Variants in SDAD1 observed in about 807,000 individuals in gnomAD.
The protein encoded by SDAD1 is protein SDA1 homolog.
SDAD1 carries 79 observed loss-of-function variants against 100.3 expected under a neutral mutation model. The observed-to-expected ratio is 0.79, with a 90% CI of 0.66 to 0.95. SDAD1 has a LOEUF of 0.95. SDAD1 is among the 40% of genes least tolerant of loss of function. The probability of loss-of-function intolerance (pLI) is 0.00; values close to 1 mark genes in which losing one functional copy is unlikely to be tolerated. For missense variants in SDAD1, 790 were observed against 810.9 expected (o/e 0.97, Z 0.31); for synonymous variants, 267 against 271.4 (o/e 0.98, Z 0.16).
chr4:75,958,408 G>C (rs112526550), intron 17 of SDAD1, among the ~76,000 whole-genome samples: 7 of 152,160 alleles, frequency 4.6e-5, no homozygotes, highest in African/African-American at 1.7e-4. Context: ...TGAGAATCTA[G>C]TTAGTCATTC....
At chr4:75,990,610 CT>C in intron 1 of SDAD1, 141 bp downstream of exon 1, 1 of 1,577,370 alleles carries the variant, frequency 6.3e-7, no homozygotes. Flanking sequence ...TCCCCAACCC[CT>C]TCTCTCCTCT....
At position 75,957,396 on chromosome 4, in the gene SDAD1, A is replaced by G. The variant is rs1466653927; in HGVS notation, c.1783T>C (p.Ser595Pro). ...TGAAGGCGTTCAATGTCCCGAAGAG[A>G]AAGTAATTCACCCCTGGGGTGAGGG... Reference protein sequence around the residue: ...SDEEPRGELLSLRDIERLHKK... With the variant: ...SDEEPRGELLPLRDIERLHKK... The change falls in exon 20 of 22, where the codon TCT becomes CCT. Residue 595 changes from serine to proline, a missense_variant. Transcript: ENST00000356260. 2 of 1,613,984 alleles carry G rather than the reference A, an allele frequency of 1.2e-6. No homozygotes were observed. Among genetic ancestry groups the G allele is most frequent in the Admixed American group, 3.3e-5 (2 of 59,982 alleles).
At chr4:75,987,611 C>G (rs1730981006) in intron 1 of SDAD1, among the ~76,000 whole-genome samples, 4 of 152,138 alleles carry the variant, frequency 2.6e-5, no homozygotes. Context: ...AAGCAATTCT[C>G]CTGCCTCAGC....
intron 14 of SDAD1, among the ~76,000 whole-genome samples, chr4:75,961,689 G>A (rs1729239020): frequency 6.6e-6 from 1 of 152,154 alleles, no homozygotes; most frequent in Non-Finnish European, 1.5e-5. Context: ...TTACTTATCA[G>A]GACAGATTAG....
rs753084246 is a variant in SDAD1, at chr4:75,990,675, C to T, written c.90+77G>A. The stretch of plus-strand genomic sequence containing the variant: ...TAGGCGGCGAGCCTGGATCCCAGCC[C>T]CACTCCATGCTTTCCCGCACCGGCG... On this transcript the variant is annotated intron_variant, in intron 1 of 21. Transcript: ENST00000356260. The T allele has an allele frequency of 3.1e-6, 5 of 1,607,332 alleles. No homozygotes were observed. The East Asian group carries it at 8.9e-5, about 29-fold the overall frequency.
At chr4:75,968,451 G>A (rs1243639682) in intron 11 of SDAD1, among the ~76,000 whole-genome samples, 1 of 151,918 alleles carries the variant, frequency 6.6e-6, no homozygotes, top group Non-Finnish European at 1.5e-5. Flanking sequence ...AAATGATAAG[G>A]AAAAACCTTA....
chr4:75,968,954 C>T (rs568284402), intron 11 of SDAD1, among the ~76,000 whole-genome samples: 1 of 150,076 alleles, frequency 6.7e-6, no homozygotes, highest in African/African-American at 2.5e-5. Flanking sequence ...TCACTTGAAC[C>T]CAGGAGGTGG....
chr4:75,955,995 G>A lies in SDAD1; in HGVS notation c.1996C>T (p.Arg666Cys), dbSNP rs753203729. The change falls in exon 21 of 22, where the codon CGT (arginine) becomes TGT (cysteine). Residue 666 changes from arginine (R) to cysteine (C), a missense_variant. Coordinates refer to ENST00000356260, the MANE Select transcript of SDAD1 (RefSeq NM_018115.4). ...CTCACCTGTTTTTCTCGGAAGGAAC[G>A]CTTATTTTTTGACCGGACATTCTGG... ...YSQNVRSKNK[R>C]SFREKQLALR... The A allele has an allele frequency of 2.8e-5, 44 of 1,599,782 alleles. No homozygotes were observed. Among genetic ancestry groups the A allele is most frequent in the Admixed American group, 5.3e-5 (3 of 56,496 alleles).
At chr4:75,981,506 C>T in intron 2 of SDAD1, 36 bp from the exon 3 acceptor site, 2 of 1,612,172 alleles carry the variant, frequency 1.2e-6, no homozygotes, top group Non-Finnish European at 1.7e-6. Context: ...AAGTTGCTCT[C>T]TTTCTCTCCT....
chr4:75,990,709 A>G, intron 1 of SDAD1, 43 bp downstream of exon 1: 1 of 1,612,272 alleles, frequency 6.2e-7, no homozygotes, highest in Non-Finnish European at 8.5e-7. Flanking sequence ...CGTCTCAACC[A>G]TCCACTATCC....
intron 1 of SDAD1, among the ~76,000 whole-genome samples, chr4:75,989,739 T>C (rs755855238): frequency 6.6e-6 from 1 of 152,230 alleles, no homozygotes; most frequent in Non-Finnish European, 1.5e-5. Flanking sequence ...GTTACTTAAC[T>C]TCTTGTACTT....
In SDAD1 at chr4:75,977,706, T is replaced by C. The variant is rs1320678218; in HGVS notation, c.345A>G (p.Pro115=). The C allele has an allele frequency of 1.2e-6, 2 of 1,613,372 alleles. No individual in the cohort carries two copies. Among genetic ancestry groups the C allele is most frequent in the Non-Finnish European group, 1.7e-6 (2 of 1,179,824 alleles). ...CAAAGAAGAGTTCTAGCAGGCTTGA[T>C]GGATTGATGAGATTCTTATTTCTCA... ...ILLRNKNLIN[P]SSLLELFFEL... The change falls in exon 4 of 22, where the codon CCA becomes CCG. Residue 115 remains proline (P), a synonymous_variant. Transcript: ENST00000356260.
intron 2 of SDAD1, among the ~76,000 whole-genome samples, chr4:75,981,701 T>C (rs1247671354): frequency 6.6e-6 from 1 of 152,116 alleles, no homozygotes; most frequent in Non-Finnish European, 1.5e-5. Flanking sequence ...TTATGATGAA[T>C]TTGAAGAAAA....
chr4:75,950,481 C>T lies in SDAD1; in HGVS notation c.*269G>A. ...TTACAGCTCATTCGTTTTGCATCTACAGTGACAATGAATAGGCACTCAATA... is the reference window on the plus strand; with the variant it reads ...TTACAGCTCATTCGTTTTGCATCTATAGTGACAATGAATAGGCACTCAATA... On this transcript the variant is annotated 3_prime_UTR_variant, in exon 22 of 22. Transcript: ENST00000356260. The T allele has an allele frequency of 2.8e-6, 1 of 359,534 alleles. No homozygotes were observed. Among genetic ancestry groups the T allele is most frequent in the Non-Finnish European group, 5.2e-6 (1 of 191,220 alleles). The allele number at this position is 359,534 out of a possible 1,614,324, so 22.3% of individuals were successfully genotyped here. A position where few individuals can be genotyped will look rare whatever the true frequency, so the allele number is the denominator to read the frequency against.
At chr4:75,986,067 A>G (rs1730873386) in intron 1 of SDAD1, among the ~76,000 whole-genome samples, 1 of 152,158 alleles carries the variant, frequency 6.6e-6, no homozygotes, top group African/African-American at 2.4e-5. Flanking sequence ...CTATACTCCC[A>G]GAGCTGAACA....
In SDAD1 at chr4:75,975,694, A is replaced by G. The variant is rs1405657115; in HGVS notation, c.578+50T>C. The G allele has an allele frequency of 6.4e-6, 8 of 1,244,730 alleles. No homozygotes were observed. The Admixed American group carries it at 1.4e-4, about 22-fold the overall frequency. The allele number at this position is 1,244,730 out of a possible 1,614,324, so 77.1% of individuals were successfully genotyped here. A position where few individuals can be genotyped will look rare whatever the true frequency, so the allele number is the denominator to read the frequency against. On this transcript the variant is annotated intron_variant, in intron 6 of 21. Coordinates refer to ENST00000356260, the MANE Select transcript of SDAD1 (RefSeq NM_018115.4). ...TTTGTATATGTGCTCTGTATTAATT[A>G]CAAATGAAAAAAGAGTCTACTTCTC...
At position 75,974,113 on chromosome 4, in the gene SDAD1, T is replaced by A; in HGVS notation, c.599A>T (p.Asn200Ile). The change falls in exon 7 of 22, where the codon AAT becomes ATT. Residue 200 changes from asparagine to isoleucine, a missense_variant. By Grantham distance (149) the Asn-to-Ile change is moderately radical. Coordinates refer to ENST00000356260, the MANE Select transcript of SDAD1 (RefSeq NM_018115.4). ...AGAGAAACATGCAGTTGTGATAACA[T>A]TGACAGTTTTTGCATCATTCCTGGG... is the stretch of plus-strand genomic sequence containing the variant. ...RNIWNDAKTV[N>I]VITTACFSKV... 6.2e-7 allele frequency: 1 copy of A among 1,613,732 alleles called. No individual in the cohort carries two copies. The highest frequency in any genetic ancestry group is 8.5e-7 in the Non-Finnish European group (1 of 1,179,762).
intron 12 of SDAD1, 100 bp from the exon 13 acceptor site, chr4:75,965,922 G>C: frequency 1.1e-6 from 1 of 925,908 alleles, no homozygotes; most frequent in Non-Finnish European, 1.7e-6. Context: ...AAATGGTATT[G>C]CTGCGTATTC....
At chr4:75,954,237 C>G (rs28650156) in intron 21 of SDAD1, among the ~76,000 whole-genome samples, 2,782 of 152,136 alleles carry the variant, frequency 0.018, 93 homozygotes, top group African/African-American at 0.064. Context: ...AAAAAATTAG[C>G]CAGGCGTGGT....
Sources: gnomAD v4.1 joint callset for allele counts (sites outside exome capture counted in the v4.1 genomes callset) on GRCh38, gnomAD v4.1.1 for gene constraint, MANE v1.5 for transcripts, NCBI Gene and HGNC (gene_info 2026-07-23, HGNC 2026-07-21) for gene names.